CADPS2: variants seen among roughly 807,000 people sequenced by gnomAD.
CADPS2 encodes calcium dependent secretion activator 2.
A neutral mutation model predicts 172.5 loss-of-function variants in CADPS2; 93 were observed. That is an observed-to-expected ratio of 0.54 (90% confidence interval 0.46 to 0.64). The LOEUF is 0.64. CADPS2 is among the 30% of genes least tolerant of loss of function. The pLI, the probability that CADPS2 is intolerant of heterozygous loss-of-function variation, is 0.00. For synonymous variants in CADPS2, 546 were observed against 555.2 expected (o/e 0.98, Z 0.23); for missense variants, 1,420 against 1,565.9 (o/e 0.91, Z 1.57).
intron 2 of CADPS2, among the ~76,000 whole-genome samples, chr7:122,735,441 T>C (rs1190824418): frequency 2.0e-5 from 3 of 152,128 alleles, no homozygotes; most frequent in African/African-American, 2.4e-5. Context: ...TAGAACACAA[T>C]GGGGATACTC....
intron 28 of CADPS2, chr7:122,331,161 T>G (rs967923984): frequency 2.6e-5 from 4 of 152,114 alleles, no homozygotes; most frequent in African/African-American, 9.7e-5. Flanking sequence ...GTCTGTTATT[T>G]TTTTTTTAAC....
At chr7:122,581,484 C>G (rs1038168227) in intron 6 of CADPS2, among the ~76,000 whole-genome samples, 194 bp from the exon 7 acceptor site, 2 of 152,098 alleles carry the variant, frequency 1.3e-5, no homozygotes, top group African/African-American at 4.8e-5. Context: ...GTAATAGTTA[C>G]TCAGCTATTC....
At chr7:122,622,277 A>T (rs1172545652) in intron 4 of CADPS2, among the ~76,000 whole-genome samples, 1 of 152,206 alleles carries the variant, frequency 6.6e-6, no homozygotes, top group African/African-American at 2.4e-5. Flanking sequence ...ACATTACATT[A>T]ATGTGCCAAG....
intron 1 of CADPS2, among the ~76,000 whole-genome samples, chr7:122,798,648 C>T (rs1303982320): frequency 2.0e-5 from 3 of 152,130 alleles, no homozygotes; most frequent in Non-Finnish European, 4.4e-5. Flanking sequence ...GAAACTCTAC[C>T]ATTGCCTCCA....
At chr7:122,424,751 C>T (rs557575093) in intron 17 of CADPS2, among the ~76,000 whole-genome samples, 1 of 150,174 alleles carries the variant, frequency 6.7e-6, no homozygotes, top group East Asian at 2.0e-4. Flanking sequence ...TCATTGAGAC[C>T]TTGGCTCTCC....
At chr7:122,766,045 T>A (rs2093541279) in intron 1 of CADPS2, among the ~76,000 whole-genome samples, 1 of 152,100 alleles carries the variant, frequency 6.6e-6, no homozygotes, top group South Asian at 2.1e-4. Context: ...TGGGAACCCC[T>A]TCTGGTGAGG....
At chr7:122,391,658 T>A (rs2044379338) in intron 22 of CADPS2, among the ~76,000 whole-genome samples, 1 of 152,110 alleles carries the variant, frequency 6.6e-6, no homozygotes, top group Admixed American at 6.6e-5. Context: ...TAACATAATA[T>A]CCTAGTGAGT....
chr7:122,785,317 G>A (rs909099052), intron 1 of CADPS2, among the ~76,000 whole-genome samples: 3 of 152,148 alleles, frequency 2.0e-5, no homozygotes, highest in East Asian at 3.9e-4. Context: ...GTATACTTAT[G>A]TAGATTGTCA....
chr7:122,416,305 A>G (rs2047910522), intron 17 of CADPS2, 141 bp from the exon 18 acceptor site: 1 of 471,754 alleles, frequency 2.1e-6, no homozygotes, highest in Non-Finnish European at 3.8e-6. Flanking sequence ...ACAAAAAAAA[A>G]AAAACAGTTC....
chr7:122,676,490 G>GTA (rs527265472), intron 2 of CADPS2: 6 of 407,630 alleles, frequency 1.5e-5, no homozygotes, highest in Non-Finnish European at 2.6e-5. Flanking sequence ...ATACCAGGCT[G>GTA]TATCTCGACT....
At chr7:122,467,023 G>A (rs1405001543) in intron 14 of CADPS2, among the ~76,000 whole-genome samples, 1 of 152,112 alleles carries the variant, frequency 6.6e-6, no homozygotes, top group African/African-American at 2.4e-5. Flanking sequence ...AGGAAAGTCT[G>A]CTTAAGGTAG....
At position 122,878,117 on chromosome 7, in the gene CADPS2, G is replaced by A. The variant is rs565796483; in HGVS notation, c.339+7882C>T. On this transcript the variant is annotated intron_variant, in intron 1 of 29. Transcript: ENST00000449022. ...CTAAAAATACAAAAATTAGCTGGGC[G>A]TGGTGGTACGTGCCTGTAATCCCAG... 1.1e-3 allele frequency among the ~76,000 whole-genome samples: 164 copies of A among 151,878 alleles called. 2 individuals carry two copies. The highest frequency in any genetic ancestry group is 9.0e-3 in the East Asian group (46 of 5,138).
chr7:122,645,401 G>T (rs2078292423), intron 3 of CADPS2, among the ~76,000 whole-genome samples: 2 of 76,414 alleles, frequency 2.6e-5, no homozygotes, highest in Non-Finnish European at 5.2e-5. Context: ...GTGTATATAT[G>T]TACATATACA....
intron 6 of CADPS2, among the ~76,000 whole-genome samples, chr7:122,608,752 T>C (rs2073923680): frequency 1.3e-5 from 2 of 152,148 alleles, no homozygotes; most frequent in Non-Finnish European, 2.9e-5. Context: ...ACAGAGAGGG[T>C]GGCAAAAACC....
chr7:122,380,078 C>T (rs530878408), intron 24 of CADPS2, among the ~76,000 whole-genome samples: 8 of 152,064 alleles, frequency 5.3e-5, no homozygotes, highest in Non-Finnish European at 7.4e-5. Context: ...GTTTTATTAC[C>T]GCTTCCTCAT....
intron 2 of CADPS2, chr7:122,681,604 C>G: frequency 6.7e-7 from 1 of 1,496,462 alleles, no homozygotes; most frequent in Non-Finnish European, 9.2e-7. Context: ...GACCGAACAC[C>G]CCCACCCAGA....
chr7:122,554,554 T>C lies in CADPS2; in HGVS notation c.1471A>G (p.Ser491Gly), dbSNP rs1419469730. The C allele has an allele frequency of 3.1e-6, 5 of 1,591,636 alleles. No individual in the cohort carries two copies. The highest frequency in any genetic ancestry group is 4.3e-6 in the Non-Finnish European group (5 of 1,172,396). ...AATCCTCAAATTTATACTCACCCAC[T>C]ATGCTTCATATGTGCTGGTTTATCC... is the stretch of plus-strand genomic sequence containing the variant. Reference protein sequence around the residue: ...RMDKPAHMKHSGYLYALGQKV... With the variant: ...RMDKPAHMKHGGYLYALGQKV... Residue 491 changes from serine (S) to glycine (G), a missense_variant, in exon 8 of 30, where the codon AGT (serine) becomes GGT (glycine). Coordinates refer to ENST00000449022, the MANE Select transcript of CADPS2 (RefSeq NM_017954.11).
chr7:122,446,517 G>A (rs1038992166), intron 15 of CADPS2, among the ~76,000 whole-genome samples: 6 of 152,072 alleles, frequency 3.9e-5, no homozygotes, highest in Non-Finnish European at 1.5e-5. Context: ...CCCATGAGTT[G>A]GTTTTCCACT....
At chr7:122,677,404 G>GT (rs1474719297) in intron 2 of CADPS2, among the ~76,000 whole-genome samples, 1 of 152,200 alleles carries the variant, frequency 6.6e-6, no homozygotes, top group Non-Finnish European at 1.5e-5. Context: ...CTGGGCTGCA[G>GT]TGAAGGGCCT....
Sources: allele counts gnomAD v4.1 joint callset (sites outside exome capture counted in the v4.1 genomes callset), GRCh38; gene constraint gnomAD v4.1.1; transcripts MANE v1.5; gene names NCBI Gene and HGNC (gene_info 2026-07-23, HGNC 2026-07-21).